Variants in SNX24 observed in about 807,000 individuals in gnomAD.
The protein encoded by SNX24 is sorting nexin 24.
SNX24 carries 22 observed loss-of-function variants against 28.7 expected under a neutral mutation model. The observed-to-expected ratio is 0.77, with a 90% CI of 0.55 to 1.10. The LOEUF (loss-of-function observed/expected upper bound fraction) is 1.10. Among genes scored for constraint, SNX24 ranks in the 50% least tolerant of loss-of-function variants. SNX24 has a pLI of 0.00. For synonymous variants in SNX24, 69 were observed against 71.5 expected (o/e 0.96, Z 0.18); for missense variants, 221 against 201.1 (o/e 1.10, Z -0.60).
At chr5:122,917,205 C>T (rs955967215) in intron 1 of SNX24, among the ~76,000 whole-genome samples, 9 of 148,914 alleles carry the variant, frequency 6.0e-5, no homozygotes, top group South Asian at 4.3e-4. Flanking sequence ...TGCAGTGAGC[C>T]GAGATTGTGC....
intron 1 of SNX24, among the ~76,000 whole-genome samples, chr5:122,863,836 T>C (rs911834644): frequency 4.6e-5 from 7 of 152,230 alleles, no homozygotes; most frequent in Non-Finnish European, 1.0e-4. Context: ...ATTACAGGCA[T>C]GAGGCACCGT....
intron 1 of SNX24, among the ~76,000 whole-genome samples, chr5:122,913,190 G>A (rs191553792): frequency 0.029 from 4,459 of 152,184 alleles, 179 homozygotes; most frequent in African/African-American, 0.084. Flanking sequence ...CCACAAAACC[G>A]CCATTGTCAT....
intron 3 of SNX24, among the ~76,000 whole-genome samples, chr5:122,950,137 G>A (rs1315984134): frequency 6.6e-6 from 1 of 152,136 alleles, no homozygotes; most frequent in African/African-American, 2.4e-5. Context: ...TTCTATATGA[G>A]TGGAAGAAAA....
chr5:122,895,773 G>C (rs758120660), intron 1 of SNX24, among the ~76,000 whole-genome samples: 47 of 152,190 alleles, frequency 3.1e-4, no homozygotes, highest in Non-Finnish European at 5.9e-4. Flanking sequence ...TAATAGGACT[G>C]TTTTCAAAAG....
chr5:122,968,045 G>A (rs892632951), intron 3 of SNX24, among the ~76,000 whole-genome samples: 1 of 152,110 alleles, frequency 6.6e-6, no homozygotes, highest in Non-Finnish European at 1.5e-5. Flanking sequence ...TATTATTATG[G>A]GATGTTGTTG....
chr5:122,991,085 C>T (rs1459799053), intron 3 of SNX24, among the ~76,000 whole-genome samples: 1 of 152,102 alleles, frequency 6.6e-6, no homozygotes, highest in Non-Finnish European at 1.5e-5. Flanking sequence ...TTGGTAGAGA[C>T]AGAGTTTCAC....
At chr5:122,848,479 G>A (rs1421868933) in intron 1 of SNX24, among the ~76,000 whole-genome samples, 3 of 151,796 alleles carry the variant, frequency 2.0e-5, no homozygotes, top group Non-Finnish European at 4.4e-5. Context: ...CGAGGTGGGC[G>A]GATCACTTGA....
intron 1 of SNX24, among the ~76,000 whole-genome samples, chr5:122,923,283 G>A (rs1324046018): frequency 6.6e-6 from 1 of 151,728 alleles, no homozygotes; most frequent in African/African-American, 2.4e-5. Context: ...AGGCTGCCAT[G>A]AGGTATGATT....
At chr5:122,915,386 G>T (rs1414509309) in intron 1 of SNX24, among the ~76,000 whole-genome samples, 1 of 152,172 alleles carries the variant, frequency 6.6e-6, no homozygotes, top group Non-Finnish European at 1.5e-5. Flanking sequence ...AGCAACTTGG[G>T]AGGCTGAGAC....
Position 122,913,390 on chromosome 5 carries a change from G to T in SNX24, c.61-23344G>T, listed in dbSNP as rs550820246. On this transcript the variant is annotated intron_variant, in intron 1 of 6. Coordinates refer to ENST00000261369, the MANE Select transcript of SNX24 (RefSeq NM_014035.4). Reference sequence around the variant, plus strand: ...CCGGACGGGGCGGCTGGCTGGGCGGGTGGCTGACCCCCCACCTCCCTCCCG... The same window carrying T: ...CCGGACGGGGCGGCTGGCTGGGCGGTTGGCTGACCCCCCACCTCCCTCCCG... 1.3e-3 allele frequency among the ~76,000 whole-genome samples: 194 copies of T among 148,990 alleles called. 1 individual carries two copies. The highest frequency in any genetic ancestry group is 4.8e-3 in the African/African-American group (192 of 40,070).
At chr5:122,860,611 G>A (rs186195517) in intron 1 of SNX24, among the ~76,000 whole-genome samples, 45 of 152,180 alleles carry the variant, frequency 3.0e-4, no homozygotes, top group Middle Eastern at 3.4e-3. Flanking sequence ...TATTGTTGTT[G>A]TTGAGACACA....
intron 3 of SNX24, among the ~76,000 whole-genome samples, chr5:122,963,983 C>G (rs1054907444): frequency 6.6e-6 from 1 of 152,084 alleles, no homozygotes; most frequent in Non-Finnish European, 1.5e-5. Context: ...TGGCTCATGC[C>G]TGTAATCCCA....
rs1302574821 is a variant in SNX24 at position 122,953,069 on chromosome 5, C to CCTTT, written c.249+6914_249+6917dup. Among the ~76,000 whole-genome samples the CCTTT allele has an allele frequency of 3.4e-3, 499 of 147,286 alleles. 3 individuals carry two copies. Among genetic ancestry groups the CCTTT allele is most frequent in the African/African-American group, 0.011 (414 of 39,234 alleles). On this transcript the variant is annotated intron_variant, in intron 3 of 6. Transcript: ENST00000261369. ...TAAGCGATTTCTTTCTTTCTTTCTT[C>CCTTT]CTTTCTTCCTTTTTTCCTTCCCTTT...
In SNX24 at chr5:123,007,880, C is replaced by G. The variant is rs756999680; in HGVS notation, c.*131C>G. 11 of 1,479,826 alleles carry G rather than the reference C, an allele frequency of 7.4e-6. No individual in the cohort carries two copies. Among genetic ancestry groups the G allele is most frequent in the Non-Finnish European group, 9.8e-6 (11 of 1,116,958 alleles). The allele number at this position is 1,479,826 out of a possible 1,614,324, so 91.7% of individuals were successfully genotyped here. A position where few individuals can be genotyped will look rare whatever the true frequency, so the allele number is the denominator to read the frequency against. The stretch of plus-strand genomic sequence containing the variant: ...CTAGTGGTAAAGTGCACAGTCCCAG[C>G]TTAATTCAGGGCAGGGACATTTCCA... On this transcript the variant is annotated 3_prime_UTR_variant, in exon 7 of 7. Coordinates refer to ENST00000261369, the MANE Select transcript of SNX24 (RefSeq NM_014035.4).
downstream of SNX24, among the ~76,000 whole-genome samples, chr5:123,010,208 A>G (rs1181266557): frequency 6.6e-6 from 1 of 151,986 alleles, no homozygotes; most frequent in Non-Finnish European, 1.5e-5. Flanking sequence ...GTAGAACCTT[A>G]TTCTCCATCC....
At chr5:122,879,998 A>AT (rs1051767535) in intron 1 of SNX24, among the ~76,000 whole-genome samples, 10 of 152,156 alleles carry the variant, frequency 6.6e-5, no homozygotes, top group African/African-American at 2.2e-4. Flanking sequence ...ACCATTGTAG[A>AT]TTTTTTCAAA....
At chr5:123,026,750 A>G (rs1433552500) in intron 5 of SNX24, among the ~76,000 whole-genome samples, 2 of 152,192 alleles carry the variant, frequency 1.3e-5, no homozygotes, top group Non-Finnish European at 2.9e-5. Flanking sequence ...GTTCTAGCAA[A>G]GCGGCAGGCA....
At chr5:123,028,719 G>C (rs1019780417) in intron 5 of SNX24, 1 of 1,420,756 alleles carries the variant, frequency 7.0e-7, no homozygotes. Flanking sequence ...TCATATACTG[G>C]CTTAACCTTA....
At chr5:123,011,477 A>G (rs1419189556), downstream of SNX24, among the ~76,000 whole-genome samples, 1 of 151,940 alleles carries the variant, frequency 6.6e-6, no homozygotes, top group Non-Finnish European at 1.5e-5. Flanking sequence ...CTACAGTTAC[A>G]GTTATAAGTT....
Sources: gnomAD v4.1 joint callset for allele counts (sites outside exome capture counted in the v4.1 genomes callset) on GRCh38, gnomAD v4.1.1 for gene constraint, MANE v1.5 for transcripts, NCBI Gene and HGNC (gene_info 2026-07-23, HGNC 2026-07-21) for gene names.